SLC36A1: variants seen among roughly 807,000 people sequenced by gnomAD.
SLC36A1 encodes the protein proton-coupled amino acid transporter 1.
SLC36A1 carries 30 observed loss-of-function variants against 47.5 expected under a neutral mutation model. That is an observed-to-expected ratio of 0.63 (90% CI 0.47 to 0.86). SLC36A1 has a LOEUF of 0.86. Among genes scored for constraint, SLC36A1 ranks in the 40% least tolerant of loss-of-function variants. The probability of loss-of-function intolerance (pLI) is 0.00; values close to 1 mark genes in which losing one functional copy is unlikely to be tolerated. For synonymous variants in SLC36A1, 255 were observed against 249.7 expected, an observed-to-expected ratio of 1.02 and a Z score of -0.20; for missense variants, 517 against 606.0, an observed-to-expected ratio of 0.85 and a Z score of 1.54.
chr5:151,397,461 C>T, the SLC36A1 span, among the ~76,000 whole-genome samples: 1 of 152,304 alleles, frequency 6.6e-6, no homozygotes, highest in African/African-American at 2.4e-5. Context: ...CAAATATTCC[C>T]ACATCTTGCC....
At chr5:151,415,543 A>T in the SLC36A1 span, among the ~76,000 whole-genome samples, 1 of 152,100 alleles carries the variant, frequency 6.6e-6, no homozygotes, top group Non-Finnish European at 1.5e-5. Flanking sequence ...TCCTCAGAGA[A>T]GTTTTCCCCA....
intron 10 of SLC36A1, among the ~76,000 whole-genome samples, chr5:151,483,669 A>G (rs1759141559): frequency 6.6e-6 from 1 of 152,164 alleles, no homozygotes; most frequent in African/African-American, 2.4e-5. Context: ...ACATGTCTGC[A>G]TAGTCGATTG....
chr5:151,363,975 C>G, the SLC36A1 span, among the ~76,000 whole-genome samples: 4 of 152,136 alleles, frequency 2.6e-5, no homozygotes, highest in Admixed American at 6.5e-5. Context: ...GATGTATCCA[C>G]AAAATTATTA....
At chr5:151,465,347 T>G (rs187032340) in intron 5 of SLC36A1, among the ~76,000 whole-genome samples, 178 bp downstream of exon 5, 2 of 152,290 alleles carry the variant, frequency 1.3e-5, no homozygotes, top group Non-Finnish European at 1.5e-5. Context: ...GGGTAACCCC[T>G]TTTTTCCTTG....
upstream of SLC36A1, among the ~76,000 whole-genome samples, chr5:151,447,322 G>A (rs1752986152): frequency 6.6e-6 from 1 of 152,128 alleles, no homozygotes; most frequent in Non-Finnish European, 1.5e-5. Flanking sequence ...ATGTGTAAAA[G>A]AAAATACAGC....
the SLC36A1 span, among the ~76,000 whole-genome samples, chr5:151,402,023 T>C: frequency 1.3e-5 from 2 of 152,192 alleles, no homozygotes; most frequent in Non-Finnish European, 2.9e-5. Flanking sequence ...TTCAATACTA[T>C]GTTAAATAGG....
chr5:151,424,467 G>T, the SLC36A1 span, among the ~76,000 whole-genome samples: 1 of 152,154 alleles, frequency 6.6e-6, no homozygotes. Flanking sequence ...GAAGAAAAGG[G>T]TTATCACTCC....
chr5:151,422,597 G>T, the SLC36A1 span, among the ~76,000 whole-genome samples: 81 of 152,186 alleles, frequency 5.3e-4, no homozygotes, highest in African/African-American at 1.9e-3. Context: ...GCATGGTGGT[G>T]CCTGCCTGTA....
At chr5:151,509,373 C>T in the SLC36A1 span, 7 of 152,254 alleles carry the variant, frequency 4.6e-5, no homozygotes, top group African/African-American at 1.2e-4. Flanking sequence ...TAGAGAGAGA[C>T]ACCCTAACAC....
the SLC36A1 span, chr5:151,544,383 T>C: frequency 6.2e-7 from 1 of 1,614,164 alleles, no homozygotes; most frequent in South Asian, 1.1e-5. Context: ...ACCCCAGAGC[T>C]GTATCCGTGG....
At chr5:151,403,679 C>T in the SLC36A1 span, among the ~76,000 whole-genome samples, 23 of 152,242 alleles carry the variant, frequency 1.5e-4, 1 homozygote, top group South Asian at 4.8e-3. Context: ...AATACATTAC[C>T]CAAAAGTCAT....
At chr5:151,427,411 T>A in the SLC36A1 span, among the ~76,000 whole-genome samples, 1 of 152,160 alleles carries the variant, frequency 6.6e-6, no homozygotes, top group Admixed American at 6.5e-5. Flanking sequence ...CAGCAGAGGG[T>A]GACAGGGACT....
chr5:151,530,410 G>A, the SLC36A1 span, among the ~76,000 whole-genome samples: 2 of 152,096 alleles, frequency 1.3e-5, no homozygotes, highest in Admixed American at 6.6e-5. Flanking sequence ...AGGACCTGAG[G>A]GATATGCTAT....
the SLC36A1 span, among the ~76,000 whole-genome samples, chr5:151,392,732 C>T: frequency 3.3e-5 from 5 of 152,178 alleles, no homozygotes; most frequent in Non-Finnish European, 4.4e-5. Context: ...TTCTTAATCC[C>T]GAGTTCTAGT....
At chr5:151,443,773 T>G (rs1328488443), upstream of SLC36A1, among the ~76,000 whole-genome samples, 3 of 152,200 alleles carry the variant, frequency 2.0e-5, no homozygotes, top group Non-Finnish European at 2.9e-5. Context: ...TCCCCTATGT[T>G]CTCTTCTAGG....
the SLC36A1 span, among the ~76,000 whole-genome samples, chr5:151,363,484 G>A: frequency 6.6e-6 from 1 of 152,062 alleles, no homozygotes; most frequent in Non-Finnish European, 1.5e-5. Flanking sequence ...TATCACTGGT[G>A]ATACTCTTGG....
chr5:151,542,781 A>C, the SLC36A1 span: 1 of 1,614,250 alleles, frequency 6.2e-7, no homozygotes, highest in Non-Finnish European at 8.5e-7. Flanking sequence ...GGATGTTGAC[A>C]GAGACCAAGG....
chr5:151,379,058 G>T, the SLC36A1 span, among the ~76,000 whole-genome samples: 1 of 152,244 alleles, frequency 6.6e-6, no homozygotes, highest in South Asian at 2.1e-4. Flanking sequence ...TTTCTCCCAG[G>T]TGGGGAGGTG....
At chr5:151,535,763 G>A in the SLC36A1 span, among the ~76,000 whole-genome samples, 3 of 152,156 alleles carry the variant, frequency 2.0e-5, no homozygotes, top group African/African-American at 7.2e-5. Context: ...TGTGGACAGA[G>A]CCCTAAACCC....
Sources: gnomAD v4.1 joint callset for allele counts (sites outside exome capture counted in the v4.1 genomes callset) on GRCh38, gnomAD v4.1.1 for gene constraint, MANE v1.5 for transcripts, NCBI Gene and HGNC (gene_info 2026-07-23, HGNC 2026-07-21) for gene names.